Variants in MGRN1 observed in about 807,000 individuals in gnomAD.
The protein encoded by MGRN1 is mahogunin ring finger 1.
A neutral mutation model predicts 69.2 loss-of-function variants in MGRN1; 29 were observed. That is an observed-to-expected ratio of 0.42 (90% CI 0.31 to 0.57). The LOEUF is 0.57. Ranked by LOEUF, MGRN1 falls within the 20% of genes least tolerant of loss-of-function variation. MGRN1 has a pLI of 0.15. For missense variants in MGRN1, 998 were observed against 796.2 expected (o/e 1.25, Z -3.05); for synonymous variants, 470 against 344.2 (o/e 1.37, Z -4.04).
chr16:4,651,355 G>A (rs1313119570), intron 2 of MGRN1, among the ~76,000 whole-genome samples: 1 of 152,192 alleles, frequency 6.6e-6, no homozygotes, highest in Non-Finnish European at 1.5e-5. Flanking sequence ...CCTGGTGGGG[G>A]CGTAGACAAT....
At chr16:4,631,906 G>GTTGT (rs1555445804) in intron 1 of MGRN1, among the ~76,000 whole-genome samples, 4,016 of 91,346 alleles carry the variant, frequency 0.044, 66 homozygotes, top group Middle Eastern at 0.059. Context: ...CTTCTCAGTT[G>GTTGT]TTTTTTTTTT....
intron 12 of MGRN1, 54 bp downstream of exon 12, chr16:4,680,151 C>A (rs1330161490): frequency 1.3e-6 from 2 of 1,556,846 alleles, no homozygotes; most frequent in Non-Finnish European, 1.8e-6. Context: ...CATTTTTAAA[C>A]CCACGACAAG....
intron 5 of MGRN1, 63 bp from the exon 6 acceptor site, chr16:4,664,646 C>T (rs1476912913): frequency 6.4e-6 from 10 of 1,560,646 alleles, no homozygotes; most frequent in East Asian, 2.2e-5. Flanking sequence ...ATTTGTTGAC[C>T]GACTCCAGGC....
chr16:4,685,335 G>C (rs1484424523), intron 16 of MGRN1, among the ~76,000 whole-genome samples: 1 of 152,240 alleles, frequency 6.6e-6, no homozygotes, highest in Non-Finnish European at 1.5e-5. Flanking sequence ...GGCCAGGCCT[G>C]GGAAGGATTG....
chr16:4,676,118 T>C (rs2079047666), intron 10 of MGRN1, among the ~76,000 whole-genome samples: 1 of 152,224 alleles, frequency 6.6e-6, no homozygotes, highest in Non-Finnish European at 1.5e-5. Flanking sequence ...AGTCAGGCCA[T>C]GGGGTCACTG....
intron 1 of MGRN1, among the ~76,000 whole-genome samples, chr16:4,641,090 CCTTTT>C (rs1486852166): frequency 2.0e-5 from 3 of 152,238 alleles, no homozygotes; most frequent in African/African-American, 7.2e-5. Context: ...CTCACAGTCT[CCTTTT>C]CTTTTTCCTC....
chr16:4,656,437 C>A (rs1284636972), intron 4 of MGRN1, among the ~76,000 whole-genome samples: 5 of 152,218 alleles, frequency 3.3e-5, no homozygotes, highest in African/African-American at 1.2e-4. Context: ...AAGAGAGACC[C>A]GCGCTGCATG....
At chr16:4,673,733 A>AG in intron 10 of MGRN1, 76 bp downstream of exon 10, 1 of 1,526,280 alleles carries the variant, frequency 6.6e-7, no homozygotes, top group Non-Finnish European at 8.9e-7. Flanking sequence ...GTCCTGGGAT[A>AG]GGGGGCCACA....
intron 16 of MGRN1, among the ~76,000 whole-genome samples, chr16:4,685,258 A>G (rs1427487924): frequency 6.6e-6 from 1 of 152,256 alleles, no homozygotes; most frequent in Non-Finnish European, 1.5e-5. Context: ...GGAGCCACGA[A>G]CATGATATCT....
At chr16:4,631,334 C>T (rs191413627) in intron 1 of MGRN1, among the ~76,000 whole-genome samples, 41 of 152,286 alleles carry the variant, frequency 2.7e-4, no homozygotes, top group African/African-American at 8.9e-4. Context: ...AAAACAACAG[C>T]GACAAGAACC....
intron 1 of MGRN1, among the ~76,000 whole-genome samples, chr16:4,644,842 T>C (rs2078241175): frequency 6.6e-6 from 1 of 152,182 alleles, no homozygotes. Flanking sequence ...TCAGTGATTT[T>C]TGGTATATTC....
intron 1 of MGRN1, among the ~76,000 whole-genome samples, chr16:4,627,148 G>T (rs936110285): frequency 6.6e-6 from 1 of 152,200 alleles, no homozygotes; most frequent in Non-Finnish European, 1.5e-5. Context: ...AGGGCAGACC[G>T]GGGACCGTGG....
At chr16:4,682,404 T>C (rs1596317475) in intron 13 of MGRN1, among the ~76,000 whole-genome samples, 1 of 152,278 alleles carries the variant, frequency 6.6e-6, no homozygotes, top group Non-Finnish European at 1.5e-5. Context: ...CTCAGGCCTG[T>C]CGGTTCTCGT....
intron 7 of MGRN1, among the ~76,000 whole-genome samples, chr16:4,667,673 T>C (rs2078834962): frequency 6.6e-6 from 1 of 152,200 alleles, no homozygotes; most frequent in African/African-American, 2.4e-5. Context: ...ATAATGAGTG[T>C]TGTTGCGAGG....
intron 1 of MGRN1, among the ~76,000 whole-genome samples, chr16:4,631,930 C>T (rs1294196629): frequency 1.4e-5 from 2 of 144,994 alleles, no homozygotes; most frequent in African/African-American, 5.2e-5. Context: ...GATAACTTTA[C>T]CTATTTAAGG....
At chr16:4,665,180 G>C in intron 7 of MGRN1, 29 bp downstream of exon 7, 2 of 1,613,028 alleles carry the variant, frequency 1.2e-6, no homozygotes, top group Non-Finnish European at 1.7e-6. Context: ...TCACTTTCCC[G>C]GGGACCTGGG....
chr16:4,652,121 G>T, intron 3 of MGRN1, 70 bp downstream of exon 3: 1 of 1,483,598 alleles, frequency 6.7e-7, no homozygotes, highest in Non-Finnish European at 9.3e-7. Context: ...GTTCTGGCTT[G>T]ATGCTTGAGG....
intron 4 of MGRN1, among the ~76,000 whole-genome samples, chr16:4,654,522 C>T (rs1164237380): frequency 1.3e-5 from 2 of 152,224 alleles, no homozygotes; most frequent in Non-Finnish European, 2.9e-5. Flanking sequence ...CAGGCAAGAG[C>T]GTGCCCCCTG....
At chr16:4,639,601 G>A (rs907045186) in intron 1 of MGRN1, among the ~76,000 whole-genome samples, 16 of 152,204 alleles carry the variant, frequency 1.1e-4, no homozygotes, top group African/African-American at 3.1e-4. Flanking sequence ...GATGCACAGC[G>A]TCTGCCCCCT....
Sources: gnomAD v4.1 joint callset for allele counts (sites outside exome capture counted in the v4.1 genomes callset) on GRCh38, gnomAD v4.1.1 for gene constraint, MANE v1.5 for transcripts, NCBI Gene and HGNC (gene_info 2026-07-23, HGNC 2026-07-21) for gene names.